The following MYCBP2 variants were observed in gnomAD, a reference collection of about 807,000 sequenced individuals.
MYCBP2 encodes the protein MYC binding protein 2.
Under a neutral mutation model 525.3 loss-of-function variants are expected in MYCBP2, and 120 were observed. The ratio of observed to expected loss-of-function variants is 0.23; its 90% CI spans 0.20 to 0.27. The LOEUF (loss-of-function observed/expected upper bound fraction) is 0.27, where lower values mean the gene tolerates loss of function less well. Ranked by LOEUF, MYCBP2 falls within the 10% of genes least tolerant of loss-of-function variation. The pLI is 1.00. For synonymous variants in MYCBP2, 1,894 were observed against 1,955.8 expected (o/e 0.97, Z 0.83); for missense variants, 4,149 against 5,657.1 (o/e 0.73, Z 8.55).
rs568135482 is a variant in MYCBP2 at position 77,057,904 on chromosome 13, C to T, written c.13329+314G>A. ...CCAGGCTGCAGTGCAGTGGTGCCATCTCAGATCACTGCAAGCTCCGTCTCC... is the reference window on the plus strand; with the variant it reads ...CCAGGCTGCAGTGCAGTGGTGCCATTTCAGATCACTGCAAGCTCCGTCTCC... On this transcript the variant is annotated intron_variant, in intron 78 of 82. Coordinates refer to ENST00000544440, the MANE Select transcript of MYCBP2 (RefSeq NM_015057.5). Among the ~76,000 whole-genome samples the T allele has an allele frequency of 8.2e-4, 118 of 143,102 alleles. 1 individual carries two copies. Among genetic ancestry groups the T allele is most frequent in the Non-Finnish European group, 1.3e-3 (87 of 66,902 alleles). The allele number at this position is 143,102 out of a possible 152,430, so 93.9% of individuals were successfully genotyped here.
intron 26 of MYCBP2, among the ~76,000 whole-genome samples, chr13:77,204,104 C>A (rs960884012): frequency 1.3e-5 from 2 of 149,878 alleles, no homozygotes; most frequent in East Asian, 3.9e-4. Flanking sequence ...TCAGAGTGAA[C>A]AGGCAACCTA....
At chr13:77,059,064 T>C (rs2038767746) in intron 77 of MYCBP2, among the ~76,000 whole-genome samples, 2 of 152,030 alleles carry the variant, frequency 1.3e-5, no homozygotes, top group Non-Finnish European at 2.9e-5. Context: ...ATGCAGATTT[T>C]TTTTTTTTTT....
rs773701155 is a variant in MYCBP2 at position 77,189,044 on chromosome 13, A to G, written c.4158T>C (p.Leu1386=). ...AGQIPQLLYR[L]PTSDGSASKG... ...TTGAAGCACTGCCATCACTGGTTGG[A>G]AGTCTAAAGGCAGTAGACACATATA... Residue 1386 remains leucine (L), a synonymous_variant, in exon 30 of 83, where the codon CTT becomes CTC. Coordinates refer to ENST00000544440, the MANE Select transcript of MYCBP2 (RefSeq NM_015057.5). 5.0e-6 allele frequency: 8 copies of G among 1,607,348 alleles called. No homozygotes were observed. The highest frequency in any genetic ancestry group is 6.8e-6 in the Non-Finnish European group (8 of 1,176,800).
chr13:77,177,487 G>A (rs138535884), intron 35 of MYCBP2, among the ~76,000 whole-genome samples: 16 of 151,720 alleles, frequency 1.1e-4, no homozygotes, highest in Non-Finnish European at 4.4e-5. Context: ...GATTACAGGC[G>A]TGCGTTGTAT....
chr13:77,055,819 A>G (rs2301581), intron 79 of MYCBP2, 52 bp from the exon 80 acceptor site: 54,856 of 1,333,404 alleles, frequency 0.041, 1,273 homozygotes, highest in East Asian at 0.066. Context: ...AACCAACTCA[A>G]CAAACACTTA....
intron 14 of MYCBP2, among the ~76,000 whole-genome samples, chr13:77,253,403 T>C (rs1594363211): frequency 1.3e-5 from 2 of 152,082 alleles, no homozygotes; most frequent in South Asian, 4.1e-4. Flanking sequence ...TTTAAAACTG[T>C]AGTATCTATA....
Position 77,278,779 on chromosome 13 carries a change from A to G in MYCBP2, c.727T>C (p.Ser243Pro). The stretch of plus-strand genomic sequence containing the variant: ...TTACCTAGGACCTCAGGTGGCTCAG[A>G]CTGGAGGCCTTCTGGCTGCTGGCCC... ...LQGQQPEGLQ[S>P]EPPEVLESLF... The change falls in exon 4 of 83, where the codon TCT becomes CCT. Residue 243 changes from serine to proline, a missense_variant. Ser to Pro is a moderately conservative substitution (Grantham distance 74, BLOSUM62 -1). This residue lies in a region of MYCBP2 where 413 missense variants were observed against 451.2 expected (regional missense o/e 0.92). Transcript: ENST00000544440. 6.4e-7 allele frequency: 1 copy of G among 1,569,794 alleles called. No homozygotes were observed. Among genetic ancestry groups the G allele is most frequent in the Non-Finnish European group, 8.6e-7 (1 of 1,161,020 alleles).
At chr13:77,055,444 A>AT (rs1372031148) in intron 80 of MYCBP2, 114 bp downstream of exon 80, 4 of 867,746 alleles carry the variant, frequency 4.6e-6, no homozygotes, top group Non-Finnish European at 6.9e-6. Flanking sequence ...AAGCTATCTT[A>AT]TTTTTAACTT....
chr13:77,314,617 A>G (rs1169374293), intron 1 of MYCBP2, among the ~76,000 whole-genome samples: 1 of 152,234 alleles, frequency 6.6e-6, no homozygotes, highest in African/African-American at 2.4e-5. Context: ...GCAGAGAAAC[A>G]GGAATAGGTG....
intron 26 of MYCBP2, among the ~76,000 whole-genome samples, chr13:77,203,219 A>G (rs1292526405): frequency 7.2e-5 from 11 of 152,306 alleles, no homozygotes; most frequent in South Asian, 6.2e-4. Flanking sequence ...AAATCAATGT[A>G]CAAAAATCAT....
chr13:77,120,037 T>C (rs1435922378), intron 55 of MYCBP2, among the ~76,000 whole-genome samples: 2 of 152,242 alleles, frequency 1.3e-5, no homozygotes, highest in African/African-American at 4.8e-5. Context: ...TAAATTATAA[T>C]GACTGATTTA....
chr13:77,126,312 C>T lies in MYCBP2; in HGVS notation c.7884+6G>A, dbSNP rs1315914093. The T allele has an allele frequency of 3.1e-6, 5 of 1,611,098 alleles. No homozygotes were observed. Among genetic ancestry groups the T allele is most frequent in the Non-Finnish European group, 4.2e-6 (5 of 1,177,856 alleles). On this transcript the variant is annotated splice_donor_region_variant and intron_variant, in intron 53 of 82. Transcript: ENST00000544440. ...TTAGAAGTCATGAAGCTACAAGAAT[C>T]CATACCTCTCCCACTGCTTTGACTT...
intron 26 of MYCBP2, among the ~76,000 whole-genome samples, chr13:77,197,331 C>CT (rs1313803999): frequency 6.6e-6 from 1 of 151,854 alleles, no homozygotes; most frequent in African/African-American, 2.4e-5. Context: ...GTAGAAAAGT[C>CT]TTTTTTGTGG....
At chr13:77,260,276 A>C (rs1354294069) in intron 13 of MYCBP2, 152 bp downstream of exon 13, 32 of 580,984 alleles carry the variant, frequency 5.5e-5, no homozygotes, top group Non-Finnish European at 8.4e-5. Flanking sequence ...TATGACAGAA[A>C]ATTTCTCTTT....
At chr13:77,108,498 T>G (rs1433405383) in intron 55 of MYCBP2, among the ~76,000 whole-genome samples, 3 of 152,144 alleles carry the variant, frequency 2.0e-5, no homozygotes, top group Non-Finnish European at 4.4e-5. Flanking sequence ...GTAAAAATCT[T>G]ACTCCCACAA....
chr13:77,202,080 CA>C (rs1477017781), intron 26 of MYCBP2, among the ~76,000 whole-genome samples: 1 of 151,890 alleles, frequency 6.6e-6, no homozygotes, highest in African/African-American at 2.4e-5. Context: ...AAAAACCCTT[CA>C]AAAAATTAAT....
chr13:77,276,174 T>G (rs2075555318), intron 4 of MYCBP2, among the ~76,000 whole-genome samples: 1 of 152,130 alleles, frequency 6.6e-6, no homozygotes, highest in Admixed American at 6.5e-5. Context: ...ATAATCTAAT[T>G]GAACAGAATA....
intron 42 of MYCBP2, among the ~76,000 whole-genome samples, chr13:77,164,821 A>G (rs1032452858): frequency 1.3e-5 from 2 of 152,202 alleles, no homozygotes; most frequent in Non-Finnish European, 2.9e-5. Context: ...TAAAACATTT[A>G]GACAAGATGA....
chr13:77,272,114 C>T (rs2074983725), intron 5 of MYCBP2, among the ~76,000 whole-genome samples: 1 of 152,214 alleles, frequency 6.6e-6, no homozygotes, highest in Non-Finnish European at 1.5e-5. Flanking sequence ...AGTCCTGTCT[C>T]TGTTATTTGC....
Sources: allele counts gnomAD v4.1 joint callset (sites outside exome capture counted in the v4.1 genomes callset), GRCh38; gene constraint gnomAD v4.1.1; regional missense constraint gnomAD v4.1.1; transcripts MANE v1.5; gene names NCBI Gene and HGNC (gene_info 2026-07-23, HGNC 2026-07-21).